Variants in RAD51B observed in about 807,000 individuals in gnomAD.
The protein encoded by RAD51B is DNA repair protein RAD51 homolog 2.
A neutral mutation model predicts 42.2 loss-of-function variants in RAD51B; 38 were observed. The ratio of observed to expected loss-of-function variants is 0.90; its 90% confidence interval spans 0.70 to 1.18. The LOEUF is 1.18. Ranked by LOEUF, RAD51B falls within the 50% of genes most tolerant of loss-of-function variation. RAD51B has a pLI of 0.00. For synonymous variants in RAD51B, 154 were observed against 145.2 expected (o/e 1.06, Z -0.43); for missense variants, 373 against 400.7 (o/e 0.93, Z 0.59).
chr14:68,241,400 G>C (rs1443091642), intron 7 of RAD51B, among the ~76,000 whole-genome samples: 1 of 152,126 alleles, frequency 6.6e-6, no homozygotes, highest in African/African-American at 2.4e-5. Context: ...AAATTAGCTG[G>C]GTATGGTGGC....
intron 7 of RAD51B, among the ~76,000 whole-genome samples, chr14:67,910,192 T>C (rs1485824517): frequency 6.6e-6 from 1 of 152,100 alleles, no homozygotes; most frequent in Non-Finnish European, 1.5e-5. Context: ...TATACGAATA[T>C]AGCCAACATT....
intron 11 of RAD51B, chr14:68,682,931 GTATA>G: frequency 4.1e-6 from 1 of 241,906 alleles, no homozygotes; most frequent in Non-Finnish European, 4.8e-6. Flanking sequence ...TTTTTTTTTT[GTATA>G]GGGCAGTAAA....
intron 10 of RAD51B, chr14:68,563,923 A>C: frequency 1.0e-6 from 1 of 984,756 alleles, no homozygotes; most frequent in Non-Finnish European, 1.2e-6. Context: ...CGGCAATTAA[A>C]AATAATATTG....
At chr14:68,542,703 A>G (rs1439789378) in intron 10 of RAD51B, among the ~76,000 whole-genome samples, 1 of 152,232 alleles carries the variant, frequency 6.6e-6, no homozygotes, top group Non-Finnish European at 1.5e-5. Context: ...AGAAAAAAAT[A>G]AGTTCAAATT....
chr14:68,186,947 C>T lies in RAD51B; in HGVS notation c.757-104937C>T, dbSNP rs376643957. Reference sequence around the variant, plus strand: ...TTCATCGCAGCACTATTCACGATAGCAAAGACATGGAATCAGCCTAGGTGC... The same window carrying T: ...TTCATCGCAGCACTATTCACGATAGTAAAGACATGGAATCAGCCTAGGTGC... On this transcript the variant is annotated intron_variant, in intron 7 of 10. Coordinates refer to ENST00000471583, the MANE Select transcript of RAD51B (RefSeq NM_133510.4). 1.5e-3 allele frequency among the ~76,000 whole-genome samples: 230 copies of T among 152,166 alleles called. 9 individuals carry two copies. In the South Asian group the frequency reaches 0.047, roughly 31 times the overall value.
intron 7 of RAD51B, among the ~76,000 whole-genome samples, chr14:68,161,292 T>TTTA (rs1188254617): frequency 6.6e-6 from 1 of 152,202 alleles, no homozygotes; most frequent in Non-Finnish European, 1.5e-5. Context: ...CTGGGTTGGC[T>TTTA]TTATTATTAT....
chr14:68,156,491 C>G (rs906963033), intron 7 of RAD51B, among the ~76,000 whole-genome samples: 19 of 151,250 alleles, frequency 1.3e-4, no homozygotes, highest in African/African-American at 4.6e-4. Context: ...CTCTCTCTCT[C>G]TCTCTGCCTT....
At chr14:68,309,062 G>T (rs1365607827) in intron 8 of RAD51B, among the ~76,000 whole-genome samples, 1 of 152,148 alleles carries the variant, frequency 6.6e-6, no homozygotes, top group Non-Finnish European at 1.5e-5. Context: ...TACACTATTT[G>T]ATGATGTTTC....
intron 5 of RAD51B, among the ~76,000 whole-genome samples, chr14:67,869,112 A>G (rs562658618): frequency 6.6e-6 from 1 of 152,376 alleles, no homozygotes; most frequent in African/African-American, 2.4e-5. Context: ...CTGAGAGAAG[A>G]AGGCTTCAGA....
Position 68,304,388 on chromosome 14 carries a change from A to G in RAD51B, c.853+12408A>G, listed in dbSNP as rs771448613. Among the ~76,000 whole-genome samples, 21 of 152,170 alleles carry G rather than the reference A, an allele frequency of 1.4e-4. 1 individual carries two copies. The highest frequency in any genetic ancestry group is 2.8e-4 in the Non-Finnish European group (19 of 68,024). ...ACTTGCTGATGATCGCATAACTAGTAATTAGTTGGCATTCAAACCTAGAGT... is the reference window on the plus strand; with the variant it reads ...ACTTGCTGATGATCGCATAACTAGTGATTAGTTGGCATTCAAACCTAGAGT... On this transcript the variant is annotated intron_variant, in intron 8 of 10. Coordinates refer to ENST00000471583, the MANE Select transcript of RAD51B (RefSeq NM_133510.4).
intron 7 of RAD51B, among the ~76,000 whole-genome samples, chr14:68,087,936 AATTT>A (rs1415889074): frequency 2.6e-5 from 3 of 114,166 alleles, no homozygotes; most frequent in East Asian, 4.1e-4. Context: ...ATAATTATAT[AATTT>A]ATTATTATAT....
At chr14:68,406,304 A>G (rs2084272893) in intron 8 of RAD51B, among the ~76,000 whole-genome samples, 1 of 152,224 alleles carries the variant, frequency 6.6e-6, no homozygotes, top group Admixed American at 6.5e-5. Context: ...ACAAACTGAG[A>G]TGGTATAGCC....
At position 68,258,443 on chromosome 14, in the gene RAD51B, T is replaced by TCACACA. The variant is rs56704300; in HGVS notation, c.757-33430_757-33425dup. 6.3e-3 allele frequency among the ~76,000 whole-genome samples: 952 copies of TCACACA among 150,096 alleles called. 15 individuals carry two copies. The highest frequency in any genetic ancestry group is 0.022 in the African/African-American group (899 of 40,532). On this transcript the variant is annotated intron_variant, in intron 7 of 10. Transcript: ENST00000471583. ...CACACACACACACACTCTCTCTCTCTCACACACACACACACAATTTGAAAC... is the reference window on the plus strand; with the variant it reads ...CACACACACACACACTCTCTCTCTCTCACACACACACACACACACACAATTTGAAAC...
intron 10 of RAD51B, chr14:68,497,525 T>G (rs1463323786): frequency 1.9e-6 from 2 of 1,058,248 alleles, no homozygotes; most frequent in East Asian, 1.0e-4. Flanking sequence ...ATATTTCATT[T>G]TGATGGAGGT....
intron 9 of RAD51B, among the ~76,000 whole-genome samples, chr14:68,450,245 T>A (rs1325542544): frequency 2.2e-5 from 3 of 133,962 alleles, no homozygotes; most frequent in African/African-American, 5.6e-5. Flanking sequence ...TAAGATGGAG[T>A]TTCACTCTTG....
intron 7 of RAD51B, among the ~76,000 whole-genome samples, chr14:68,094,424 T>G (rs1041889675): frequency 6.6e-6 from 1 of 152,180 alleles, no homozygotes; most frequent in African/African-American, 2.4e-5. Flanking sequence ...ATGGATTCAT[T>G]TTGAAAGAGT....
In RAD51B at chr14:67,823,609, T is replaced by G; in HGVS notation, c.66T>G (p.His22Gln). The G allele has an allele frequency of 6.2e-7, 1 of 1,613,104 alleles. No homozygotes were observed. Among genetic ancestry groups the G allele is most frequent in the Non-Finnish European group, 8.5e-7 (1 of 1,179,586 alleles). ...AGCTGTGTGACCGTCTGAGTAGACA[T>G]CAGATCCTTACCTGTCAGGTAAATT... ...SQELCDRLSR[H>Q]QILTCQDFLC... Residue 22 changes from histidine (H) to glutamine (Q), a missense_variant, in exon 2 of 11, where the codon CAT (histidine) becomes CAG (glutamine). Transcript: ENST00000471583.
chr14:68,626,652 C>T (rs969510638), intron 10 of RAD51B, among the ~76,000 whole-genome samples: 10 of 152,216 alleles, frequency 6.6e-5, no homozygotes, highest in Admixed American at 1.3e-4. Flanking sequence ...GGACTTCTCA[C>T]AGGATGGTGG....
chr14:68,403,868 T>A (rs1472353567), intron 8 of RAD51B, among the ~76,000 whole-genome samples: 3 of 152,254 alleles, frequency 2.0e-5, no homozygotes, highest in Non-Finnish European at 4.4e-5. Context: ...ATCATCATTG[T>A]TCCTGTCACT....
Sources: allele counts gnomAD v4.1 joint callset (sites outside exome capture counted in the v4.1 genomes callset), GRCh38; gene constraint gnomAD v4.1.1; transcripts MANE v1.5; gene names NCBI Gene and HGNC (gene_info 2026-07-23, HGNC 2026-07-21).